Variants in DMD observed in about 807,000 individuals in gnomAD.
The protein encoded by DMD is mutant dystrophin.
DMD carries 63 observed loss-of-function variants against 330.1 expected under a neutral mutation model. The observed-to-expected ratio is 0.19, with a 90% confidence interval of 0.16 to 0.24. The LOEUF is 0.24. Ranked by LOEUF, DMD falls within the 10% of genes least tolerant of loss-of-function variation. The pLI, the probability that DMD is intolerant of heterozygous loss-of-function variation, is 1.00. For missense variants in DMD, 3,344 were observed against 2,684.1 expected, an observed-to-expected ratio of 1.25 and a Z score of -5.43; for synonymous variants, 1,223 against 959.8, an observed-to-expected ratio of 1.27 and a Z score of -5.07.
chrX:31,943,592 T>A (rs1453733024), intron 45 of DMD, among the ~76,000 whole-genome samples: 1 of 111,785 alleles, frequency 8.9e-6, no homozygotes, highest in African/African-American at 3.2e-5. Context: ...AGTTTCTTTA[T>A]ATTTCTCTTT....
chrX:32,203,607 G>T (rs1328198309), intron 44 of DMD, among the ~76,000 whole-genome samples: 2 of 112,163 alleles, frequency 1.8e-5, no homozygotes, highest in Non-Finnish European at 3.8e-5. Flanking sequence ...CTTCTGCCCT[G>T]TGGAAACCAA....
chrX:32,606,109 C>A (rs1290206659), intron 12 of DMD, among the ~76,000 whole-genome samples: 1 of 110,138 alleles, frequency 9.1e-6, no homozygotes, highest in African/African-American at 3.3e-5. Flanking sequence ...ATGATATGAT[C>A]AAATATTATG....
chrX:31,265,970 G>A (rs764967888), intron 62 of DMD, among the ~76,000 whole-genome samples: 79 of 107,938 alleles, frequency 7.3e-4, no homozygotes, highest in Non-Finnish European at 1.4e-3. Flanking sequence ...CCTCCCTCGA[G>A]CAACTAAACC....
At chrX:33,084,891 T>C (rs1419090777) in intron 1 of DMD, among the ~76,000 whole-genome samples, 1 of 111,092 alleles carries the variant, frequency 9.0e-6, no homozygotes, top group Admixed American at 9.7e-5. Context: ...TCTTTCACTG[T>C]CTCAGTCCTA....
At chrX:32,563,397 A>G (rs1319753267) in intron 16 of DMD, among the ~76,000 whole-genome samples, 3 of 108,133 alleles carry the variant, frequency 2.8e-5, no homozygotes, top group African/African-American at 1.0e-4. Context: ...CCCTCCAGAC[A>G]CACTGAACTA....
chrX:33,191,703 C>T (rs1374456221), intron 1 of DMD, among the ~76,000 whole-genome samples: 2 of 112,296 alleles, frequency 1.8e-5, no homozygotes, highest in Non-Finnish European at 3.8e-5. Context: ...GGATTACTTG[C>T]ATGAGCCACC....
chrX:33,218,224 T>A (rs1405717697), intron 1 of DMD, among the ~76,000 whole-genome samples: 1 of 111,677 alleles, frequency 9.0e-6, no homozygotes, highest in Non-Finnish European at 1.9e-5. Flanking sequence ...AGCTTCTTAA[T>A]ATAATGTGTA....
intron 60 of DMD, among the ~76,000 whole-genome samples, chrX:31,419,683 T>A (rs1259769569): frequency 8.9e-6 from 1 of 111,797 alleles, no homozygotes; most frequent in Non-Finnish European, 1.9e-5. Flanking sequence ...AGCAATAACA[T>A]TTTGCACATA....
At chrX:32,664,356 C>A (rs1421683204) in intron 9 of DMD, among the ~76,000 whole-genome samples, 1 of 108,353 alleles carries the variant, frequency 9.2e-6, no homozygotes, top group Non-Finnish European at 1.9e-5. Context: ...ATTCTCCTGC[C>A]TCAGCCTCCC....
intron 29 of DMD, among the ~76,000 whole-genome samples, chrX:32,435,758 C>T (rs1461777377): frequency 9.0e-6 from 1 of 111,043 alleles, no homozygotes; most frequent in Non-Finnish European, 1.9e-5. Flanking sequence ...ATGGAATGCC[C>T]AGTAAGGCTC....
At chrX:31,398,390 A>G (rs2061041159) in intron 60 of DMD, among the ~76,000 whole-genome samples, 1 of 112,501 alleles carries the variant, frequency 8.9e-6, no homozygotes, top group African/African-American at 3.2e-5. Flanking sequence ...CGAGAGGGCC[A>G]GAGGCCGAAG....
intron 7 of DMD, among the ~76,000 whole-genome samples, chrX:32,794,346 T>C (rs1307502541): frequency 9.0e-6 from 1 of 111,632 alleles, no homozygotes; most frequent in African/African-American, 3.3e-5. Context: ...TCCCAGCACT[T>C]TGGGAGGCAG....
intron 32 of DMD, among the ~76,000 whole-genome samples, chrX:32,388,694 T>C (rs1286830115): frequency 2.7e-5 from 3 of 110,588 alleles, no homozygotes; most frequent in Admixed American, 9.7e-5. Context: ...TATCAAGTAC[T>C]AAATAGACTT....
chrX:31,238,071 C>T lies in DMD; in HGVS notation c.9287-14950G>A, dbSNP rs1261801722. Among the ~76,000 whole-genome samples, 4 of 111,756 alleles carry T rather than the reference C, an allele frequency of 3.6e-5. No homozygotes were observed. The East Asian group carries it at 1.1e-3, about 31-fold the overall frequency. Reference sequence around the variant, plus strand: ...AAAACTATGCTGCATTTGGGAGTTGCTTGATATAAAGCTTTACCAATTTGA... The same window carrying T: ...AAAACTATGCTGCATTTGGGAGTTGTTTGATATAAAGCTTTACCAATTTGA... On this transcript the variant is annotated intron_variant, in intron 63 of 78. Transcript: ENST00000357033.
intron 7 of DMD, among the ~76,000 whole-genome samples, chrX:32,791,507 C>A (rs968590166): frequency 2.7e-5 from 3 of 111,629 alleles, no homozygotes; most frequent in African/African-American, 9.8e-5. Context: ...AACAACTGCA[C>A]CCTAAGCTAC....
chrX:33,236,458 T>A (rs1230473935), intron 1 of DMD, among the ~76,000 whole-genome samples: 1 of 108,661 alleles, frequency 9.2e-6, no homozygotes, highest in Non-Finnish European at 1.9e-5. Context: ...ACAGATGGGG[T>A]TTCACCATGT....
At chrX:31,551,180 G>GAAAAAAAAAAAAAA (rs202051079) in intron 55 of DMD, among the ~76,000 whole-genome samples, 1 of 67,368 alleles carries the variant, frequency 1.5e-5, no homozygotes, top group Non-Finnish European at 2.6e-5. Flanking sequence ...CTCCATCTCG[G>GAAAAAAAAAAAAAA]GAAAAAAAAA....
chrX:31,558,942 G>C (rs1173072645), intron 55 of DMD, among the ~76,000 whole-genome samples: 2 of 111,131 alleles, frequency 1.8e-5, no homozygotes, highest in Non-Finnish European at 3.8e-5. Context: ...AAAGGAGTTC[G>C]TACAAATCTT....
chrX:31,948,977 A>G (rs1002543456), intron 45 of DMD, among the ~76,000 whole-genome samples: 1 of 111,733 alleles, frequency 8.9e-6, no homozygotes, highest in Non-Finnish European at 1.9e-5. Flanking sequence ...GTGATCTATA[A>G]GCCTGTCCTT....
Sources: allele counts gnomAD v4.1 joint callset (sites outside exome capture counted in the v4.1 genomes callset), GRCh38; gene constraint gnomAD v4.1.1; transcripts MANE v1.5; gene names NCBI Gene and HGNC (gene_info 2026-07-23, HGNC 2026-07-21).